The following EYS variants were observed in gnomAD, a reference collection of about 807,000 sequenced individuals.
The protein encoded by EYS is protein eyes shut homolog.
A neutral mutation model predicts 282.1 loss-of-function variants in EYS; 250 were observed. The ratio of observed to expected loss-of-function variants is 0.89; its 90% CI spans 0.80 to 0.98. EYS has a LOEUF of 0.98. Ranked by LOEUF, EYS falls within the 50% of genes least tolerant of loss-of-function variation. EYS has a pLI of 0.00. For synonymous variants in EYS, 1,355 were observed against 1,282.9 expected (o/e 1.06, Z -1.20); for missense variants, 4,016 against 3,709.0 (o/e 1.08, Z -2.15).
Position 64,225,080 on chromosome 6 carries a change from G to A in EYS, c.6424+5512C>T, listed in dbSNP as rs186681573. Among the ~76,000 whole-genome samples, 597 of 152,086 alleles carry A rather than the reference G, an allele frequency of 3.9e-3. 1 individual carries two copies. The highest frequency in any genetic ancestry group is 0.013 in the African/African-American group (559 of 41,482). On this transcript the variant is annotated intron_variant, in intron 31 of 42. Transcript: ENST00000503581. Reference sequence around the variant, plus strand: ...ATGGCACATGTCCAGTGCTGGGGGCGGATAGACCAGTCTGCTCCTAGATCA... The same window carrying A: ...ATGGCACATGTCCAGTGCTGGGGGCAGATAGACCAGTCTGCTCCTAGATCA...
intron 26 of EYS, among the ~76,000 whole-genome samples, chr6:64,450,294 A>C (rs1411346506): frequency 1.3e-5 from 2 of 152,200 alleles, no homozygotes; most frequent in Non-Finnish European, 2.9e-5. Context: ...GATCAATTCA[A>C]CAAGAAGAAC....
intron 26 of EYS, among the ~76,000 whole-genome samples, chr6:64,564,370 C>CGG (rs966384721): frequency 1.7e-4 from 25 of 143,048 alleles, no homozygotes; most frequent in African/African-American, 5.7e-4. Context: ...CTCTGCCTCC[C>CGG]GGGTTCAAGC....
intron 26 of EYS, among the ~76,000 whole-genome samples, chr6:64,534,690 G>T (rs1396001760): frequency 6.6e-6 from 1 of 151,818 alleles, no homozygotes; most frequent in Non-Finnish European, 1.5e-5. Flanking sequence ...AAATTTGGCT[G>T]TTCCAATTAA....
chr6:63,766,995 C>T (rs1454499051), intron 40 of EYS, among the ~76,000 whole-genome samples: 2 of 152,034 alleles, frequency 1.3e-5, no homozygotes, highest in Non-Finnish European at 2.9e-5. Flanking sequence ...ATCATGTCCT[C>T]AATAGATGCA....
intron 22 of EYS, among the ~76,000 whole-genome samples, chr6:64,795,409 C>T (rs1157650540): frequency 2.0e-5 from 3 of 151,894 alleles, no homozygotes; most frequent in African/African-American, 7.3e-5. Flanking sequence ...GAAGGAACAC[C>T]ATTCTTGGTT....
chr6:65,607,167 G>A (rs1765828146), intron 2 of EYS, among the ~76,000 whole-genome samples: 1 of 151,614 alleles, frequency 6.6e-6, no homozygotes, highest in Non-Finnish European at 1.5e-5. Context: ...TAATTAATTA[G>A]CTATCAGGCA....
At chr6:65,681,952 A>G (rs1035928275) in intron 1 of EYS, among the ~76,000 whole-genome samples, 1 of 151,914 alleles carries the variant, frequency 6.6e-6, no homozygotes, top group Non-Finnish European at 1.5e-5. Context: ...GTAAGTGCCA[A>G]TCAGCAAACA....
intron 12 of EYS, among the ~76,000 whole-genome samples, chr6:65,127,447 G>A (rs971439829): frequency 7.2e-5 from 11 of 151,958 alleles, no homozygotes; most frequent in Admixed American, 7.2e-4. Context: ...TTAAATGTAG[G>A]CCTCCAAAAT....
intron 30 of EYS, among the ~76,000 whole-genome samples, chr6:64,296,579 TA>T: frequency 1.3e-3 from 9 of 6,726 alleles, no homozygotes; most frequent in African/African-American, 6.6e-3. Context: ...TATATATATA[TA>T]TATACATATA....
intron 29 of EYS, among the ~76,000 whole-genome samples, chr6:64,379,093 C>T (rs1772659344): frequency 6.6e-6 from 1 of 152,044 alleles, no homozygotes; most frequent in Admixed American, 6.6e-5. Context: ...TAAATTCATG[C>T]TTCACATATT....
intron 8 of EYS, among the ~76,000 whole-genome samples, chr6:65,366,564 T>C (rs566954044): frequency 7.9e-5 from 12 of 151,820 alleles, no homozygotes; most frequent in Non-Finnish European, 1.8e-4. Flanking sequence ...GTTAGAGAGC[T>C]TCTTTAATGA....
chr6:63,939,231 CA>C (rs756914331), intron 35 of EYS, among the ~76,000 whole-genome samples: 1 of 151,306 alleles, frequency 6.6e-6, no homozygotes, highest in Non-Finnish European at 1.5e-5. Context: ...ATTACTCTTT[CA>C]AAGTTACACT....
intron 34 of EYS, among the ~76,000 whole-genome samples, 191 bp from the exon 35 acceptor site, chr6:63,984,794 T>A (rs1198130003): frequency 2.0e-5 from 3 of 151,822 alleles, no homozygotes; most frequent in Non-Finnish European, 4.4e-5. Flanking sequence ...TGGTCCTTTT[T>A]TACATCTCTT....
rs1414720072 is a variant in EYS at position 64,971,489 on chromosome 6, G to GT, written c.2260-25576dup. ...AGGGAAAAAAAATAAACAGCTTCCAGTTTTTTGGTTGTAAAACATGAAGGC... is the reference window on the plus strand; with the variant it reads ...AGGGAAAAAAAATAAACAGCTTCCAGTTTTTTTGGTTGTAAAACATGAAGGC... On this transcript the variant is annotated intron_variant, in intron 14 of 42. Coordinates refer to ENST00000503581, the MANE Select transcript of EYS (RefSeq NM_001142800.2). Among the ~76,000 whole-genome samples the GT allele has an allele frequency of 3.3e-5, 5 of 152,182 alleles. No individual in the cohort carries two copies. In the East Asian group the frequency reaches 9.7e-4, roughly 30 times the overall value.
At chr6:65,586,334 A>G (rs78268328) in intron 2 of EYS, among the ~76,000 whole-genome samples, 261 of 152,212 alleles carry the variant, frequency 1.7e-3, no homozygotes, top group Middle Eastern at 6.8e-3. Flanking sequence ...GTAATTTAAA[A>G]CAAGAATTAA....
At chr6:64,794,530 A>G (rs925118470) in intron 22 of EYS, among the ~76,000 whole-genome samples, 3 of 152,172 alleles carry the variant, frequency 2.0e-5, no homozygotes, top group Non-Finnish European at 4.4e-5. Flanking sequence ...GCCTTCTGCC[A>G]TGATGGTAAG....
chr6:65,358,599 AGTGT>A (rs61588307), intron 8 of EYS, among the ~76,000 whole-genome samples: 23,606 of 140,666 alleles, frequency 0.17, 2,312 homozygotes, highest in Admixed American at 0.23. Flanking sequence ...AGGTTTCTGA[AGTGT>A]GTGTGTGTGT....
intron 2 of EYS, among the ~76,000 whole-genome samples, chr6:65,618,164 C>G (rs1388725739): frequency 6.6e-6 from 1 of 152,162 alleles, no homozygotes; most frequent in African/African-American, 2.4e-5. Flanking sequence ...TTTACAGTCC[C>G]ACCAACAGTG....
chr6:65,519,955 G>T (rs1767304763), intron 2 of EYS, among the ~76,000 whole-genome samples: 1 of 148,240 alleles, frequency 6.7e-6, no homozygotes, highest in Admixed American at 6.8e-5. Context: ...TTTTCTAAAC[G>T]ATGTATGGAT....
Sources: gnomAD v4.1 joint callset for allele counts (sites outside exome capture counted in the v4.1 genomes callset) on GRCh38, gnomAD v4.1.1 for gene constraint, MANE v1.5 for transcripts, NCBI Gene and HGNC (gene_info 2026-07-23, HGNC 2026-07-21) for gene names.